GIN1: variants seen among roughly 807,000 people sequenced by gnomAD.
GIN1 encodes the protein gypsy retrotransposon integrase 1.
In GIN1, 41 loss-of-function variants were observed where a neutral mutation model predicts 51.4. The ratio of observed to expected loss-of-function variants is 0.80; its 90% confidence interval spans 0.62 to 1.04. The LOEUF (loss-of-function observed/expected upper bound fraction) is 1.04. GIN1 is among the 50% of genes least tolerant of loss of function. The pLI, the probability that GIN1 is intolerant of heterozygous loss-of-function variation, is 0.00. For missense variants in GIN1, 610 were observed against 612.4 expected (o/e 1.00, Z 0.04); for synonymous variants, 222 against 206.5 (o/e 1.07, Z -0.64).
intron 1 of GIN1, among the ~76,000 whole-genome samples, chr5:103,112,995 A>C (rs554061351): frequency 6.6e-6 from 1 of 152,288 alleles, no homozygotes; most frequent in African/African-American, 2.4e-5. Context: ...CTATCAAAAC[A>C]GATGTGTAGA....
At chr5:103,113,788 C>T (rs1309978184) in intron 1 of GIN1, among the ~76,000 whole-genome samples, 1 of 152,160 alleles carries the variant, frequency 6.6e-6, no homozygotes, top group East Asian at 1.9e-4. Context: ...TCCCAAAGTG[C>T]TGGGCTTACA....
chr5:103,096,720 C>G lies in GIN1; in HGVS notation c.1115G>C (p.Arg372Thr). 1 of 1,613,918 alleles carries G rather than the reference C, an allele frequency of 6.2e-7. No homozygotes were observed. Among genetic ancestry groups the G allele is most frequent in the Non-Finnish European group, 8.5e-7 (1 of 1,179,852 alleles). Residue 372 changes from arginine to threonine, a missense_variant, in exon 7 of 8, where the codon AGA becomes ACA. By Grantham distance (71) the Arg-to-Thr change is moderately conservative. Transcript: ENST00000399004. The stretch of plus-strand genomic sequence containing the variant: ...ATCCTTCCACCAATTTTTCCTTTGT[C>G]TTAAAACTTCATGACCCACTTTTAA... The part of the protein sequence containing the change: ...FHLKVGHEVL[R>T]QRKNWWKDGR...
At chr5:103,101,575 G>C (rs1554195797) in intron 4 of GIN1, among the ~76,000 whole-genome samples, 1 of 152,112 alleles carries the variant, frequency 6.6e-6, no homozygotes. Flanking sequence ...GTTGATGATG[G>C]GTGTTTGCCT....
At chr5:103,106,563 A>G (rs2151472374) in intron 3 of GIN1, 153 bp downstream of exon 3, 1 of 492,536 alleles carries the variant, frequency 2.0e-6, no homozygotes, top group Non-Finnish European at 3.5e-6. Flanking sequence ...TAAGTGATTT[A>G]AAATAACTGT....
At chr5:103,091,324 C>A (rs1213681105) in intron 7 of GIN1, among the ~76,000 whole-genome samples, 1 of 152,066 alleles carries the variant, frequency 6.6e-6, no homozygotes, top group Non-Finnish European at 1.5e-5. Context: ...AATTACATAG[C>A]TCTTGTATTA....
chr5:103,091,242 T>C (rs1000354781), intron 7 of GIN1, among the ~76,000 whole-genome samples: 2 of 152,174 alleles, frequency 1.3e-5, no homozygotes, highest in Admixed American at 6.5e-5. Context: ...CACTGGATTA[T>C]ATAAAATATA....
chr5:103,091,119 C>T (rs942539094), intron 7 of GIN1, among the ~76,000 whole-genome samples: 1 of 152,126 alleles, frequency 6.6e-6, no homozygotes, highest in African/African-American at 2.4e-5. Context: ...TGTTTCAACT[C>T]CTACTATGGT....
chr5:103,114,235 G>A (rs930302026), intron 1 of GIN1, among the ~76,000 whole-genome samples: 2 of 152,154 alleles, frequency 1.3e-5, no homozygotes, highest in Admixed American at 1.3e-4. Context: ...ATTCTATAAA[G>A]TGTATTGTGC....
rs1209429894 is a variant in GIN1, at chr5:103,108,687, AT to A, written c.20del (p.Asn7MetfsTer30). MVRSGKNGDLHLKQIAY... is the reference protein window; with the variant it reads MVRSGKXGDLHLKQIAY... ...CAATCTGTTTAAGATGAAGGTCACC[AT>A]TTTTTCCACTACGGACCATTGTGAA... On this transcript the variant is annotated frameshift_variant, in exon 2 of 8. Transcript: ENST00000399004. LOFTEE classifies it high-confidence loss of function. 1.2e-6 allele frequency: 2 copies of A among 1,603,746 alleles called. No homozygotes were observed. Among genetic ancestry groups the A allele is most frequent in the Admixed American group, 1.7e-5 (1 of 59,184 alleles).
chr5:103,106,989 T>A, intron 2 of GIN1, 80 bp from the exon 3 acceptor site: 1 of 713,082 alleles, frequency 1.4e-6, no homozygotes, highest in Non-Finnish European at 2.2e-6. Context: ...GCCTTCTCTT[T>A]AAACCATGAA....
At chr5:103,116,140 A>G (rs549371841) in intron 1 of GIN1, among the ~76,000 whole-genome samples, 1 of 152,250 alleles carries the variant, frequency 6.6e-6, no homozygotes, top group East Asian at 1.9e-4. Flanking sequence ...GGCTGATTCT[A>G]AAATTGATAT....
At chr5:103,106,546 T>G in intron 3 of GIN1, 170 bp downstream of exon 3, 1 of 461,466 alleles carries the variant, frequency 2.2e-6, no homozygotes, top group Non-Finnish European at 3.8e-6. Flanking sequence ...CCTGTTCAAA[T>G]TATACTTAAG....
intron 4 of GIN1, 39 bp downstream of exon 4, chr5:103,104,502 A>G (rs1787666754): frequency 1.0e-6 from 1 of 981,176 alleles, no homozygotes; most frequent in Non-Finnish European, 1.6e-6. Context: ...GAAAAGAAGT[A>G]AGATATGCTC....
At chr5:103,095,524 C>T (rs1429263706) in intron 7 of GIN1, among the ~76,000 whole-genome samples, 1 of 152,152 alleles carries the variant, frequency 6.6e-6, no homozygotes, top group Non-Finnish European at 1.5e-5. Flanking sequence ...TTTTAAAGTA[C>T]CCTAATATTT....
rs1211470747 is a variant in GIN1, at chr5:103,104,759, T to C, written c.421A>G (p.Ser141Gly). Residue 141 changes from serine (S) to glycine (G), a missense_variant, in exon 4 of 8, where the codon AGT (serine) becomes GGT (glycine). By Grantham distance (56) the Ser-to-Gly change is moderately conservative. Transcript: ENST00000399004. ...CCCATCAGATCAACAGTAACTAAACTCCATGGATTTTCCACCTTGAGAAGG... is the reference window on the plus strand; with the variant it reads ...CCCATCAGATCAACAGTAACTAAACCCCATGGATTTTCCACCTTGAGAAGG... ...QHLLKVENPW[S>G]LVTVDLMGPF... The C allele has an allele frequency of 1.9e-6, 3 of 1,611,398 alleles. No individual in the cohort carries two copies. The African/African-American group carries it at 4.0e-5, about 22-fold the overall frequency.
At position 103,104,853 on chromosome 5, in the gene GIN1, C is replaced by G; in HGVS notation, c.334-7G>C. 2 of 1,539,150 alleles carry G rather than the reference C, an allele frequency of 1.3e-6. No individual in the cohort carries two copies. Among genetic ancestry groups the G allele is most frequent in the Non-Finnish European group, 1.8e-6 (2 of 1,129,972 alleles). On this transcript the variant is annotated splice_region_variant and splice_polypyrimidine_tract_variant and intron_variant, in intron 3 of 7. Coordinates refer to ENST00000399004, the MANE Select transcript of GIN1 (RefSeq NM_017676.2). ...AATGCTGACAAGCATATACCTACAA[C>G]AGGCACACAATAAAGAAAACACATA...
Position 103,086,577 on chromosome 5 carries a change from C to G in GIN1, c.*1321G>C, listed in dbSNP as rs1787080751. On this transcript the variant is annotated 3_prime_UTR_variant, in exon 8 of 8. Coordinates refer to ENST00000399004, the MANE Select transcript of GIN1 (RefSeq NM_017676.2). ...TACTTCTCCCCTAATTCTTTTGTAT[C>G]CATTTACCAAATCCTATACATTCTT... is the stretch of plus-strand genomic sequence containing the variant. The G allele has an allele frequency of 6.6e-6, 1 of 152,162 alleles. No individual in the cohort carries two copies. The highest frequency in any genetic ancestry group is 6.5e-5 in the Admixed American group (1 of 15,270). The allele number at this position is 152,162 out of a possible 1,614,324, so 9.4% of individuals were successfully genotyped here.
At chr5:103,089,684 A>G (rs944196511) in intron 7 of GIN1, among the ~76,000 whole-genome samples, 24 of 152,284 alleles carry the variant, frequency 1.6e-4, no homozygotes, top group African/African-American at 5.5e-4. Context: ...TCAAATTTTA[A>G]GACCAAAAAA....
intron 4 of GIN1, among the ~76,000 whole-genome samples, chr5:103,099,392 T>C (rs1484668500): frequency 6.6e-6 from 1 of 151,934 alleles, no homozygotes; most frequent in African/African-American, 2.4e-5. Flanking sequence ...TATATATTAA[T>C]ATATTGAGAT....
Sources: allele counts gnomAD v4.1 joint callset (sites outside exome capture counted in the v4.1 genomes callset), GRCh38; gene constraint gnomAD v4.1.1; transcripts MANE v1.5; gene names NCBI Gene and HGNC (gene_info 2026-07-23, HGNC 2026-07-21).